The following SLC27A2 variants were observed in gnomAD, a reference collection of about 807,000 sequenced individuals.
The protein encoded by SLC27A2 is solute carrier family 27 member 2.
In SLC27A2, 54 loss-of-function variants were observed where a neutral mutation model predicts 60.0. The ratio of observed to expected loss-of-function variants is 0.90; its 90% CI spans 0.72 to 1.13. SLC27A2 has a LOEUF of 1.13. Ranked by LOEUF, SLC27A2 falls within the 50% of genes most tolerant of loss-of-function variation. The probability of loss-of-function intolerance (pLI) is 0.00; values close to 1 mark genes in which losing one functional copy is unlikely to be tolerated. For missense variants in SLC27A2, 739 were observed against 777.6 expected (o/e 0.95, Z 0.59); for synonymous variants, 297 against 297.6 (o/e 1.00, Z 0.02).
Position 50,235,911 on chromosome 15 carries a change from G to A in SLC27A2, c.1687-9G>A. 2.5e-6 allele frequency: 4 copies of A among 1,600,726 alleles called. No individual in the cohort carries two copies. Among genetic ancestry groups the A allele is most frequent in the Non-Finnish European group, 3.4e-6 (4 of 1,170,532 alleles). On this transcript the variant is annotated splice_polypyrimidine_tract_variant and intron_variant, in intron 9 of 9. Transcript: ENST00000267842. ...GCAACCAAAATGTGGATTATTTGAT[G>A]TTTTTCAGGACACCATTGAGATCAC...
intron 4 of SLC27A2, among the ~76,000 whole-genome samples, chr15:50,218,805 G>C (rs571523881): frequency 6.6e-6 from 1 of 152,056 alleles, no homozygotes; most frequent in South Asian, 2.1e-4. Context: ...GAAAACACAG[G>C]ATCAAGGAAA....
intron 8 of SLC27A2, among the ~76,000 whole-genome samples, chr15:50,229,997 A>G (rs1001574496): frequency 1.3e-5 from 2 of 152,160 alleles, no homozygotes; most frequent in African/African-American, 4.8e-5. Flanking sequence ...GCACTTTGGG[A>G]GGCCGAGACG....
At chr15:50,207,815 G>A (rs1207926431) in intron 4 of SLC27A2, among the ~76,000 whole-genome samples, 3 of 149,204 alleles carry the variant, frequency 2.0e-5, no homozygotes, top group East Asian at 3.9e-4. Context: ...AGGAAAGAAA[G>A]AAAGAAAACA....
At chr15:50,210,800 C>T (rs564895399) in intron 4 of SLC27A2, among the ~76,000 whole-genome samples, 12 of 152,304 alleles carry the variant, frequency 7.9e-5, no homozygotes, top group Non-Finnish European at 1.8e-4. Flanking sequence ...TGAGGGGGCA[C>T]GGTGGGAGTG....
intron 4 of SLC27A2, among the ~76,000 whole-genome samples, chr15:50,216,769 A>G (rs1215655822): frequency 6.9e-6 from 1 of 145,414 alleles, no homozygotes; most frequent in East Asian, 1.9e-4. Flanking sequence ...TATATATTCC[A>G]TAAAAATATA....
Position 50,182,558 on chromosome 15 carries a change from G to A in SLC27A2, c.131G>A (p.Arg44His). ...GTGGCCGCCGTGGGCCGGAGGGTGC[G>A]CAGCTACGGGAAGCGGCGGCCGGCG... is the stretch of plus-strand genomic sequence containing the variant. ...LKVAAVGRRV[R>H]SYGKRRPART... The change falls in exon 1 of 10, where the codon CGC (arginine) becomes CAC (histidine). Residue 44 changes from arginine to histidine, a missense_variant. Physicochemically the swap from Arg to His is conservative, Grantham distance 29 (BLOSUM62 0). Transcript: ENST00000267842. 1.9e-6 allele frequency: 3 copies of A among 1,612,886 alleles called. No individual in the cohort carries two copies. Among genetic ancestry groups the A allele is most frequent in the Non-Finnish European group, 2.5e-6 (3 of 1,179,424 alleles).
chr15:50,215,519 CA>C (rs1347806659), intron 4 of SLC27A2, among the ~76,000 whole-genome samples: 1 of 152,040 alleles, frequency 6.6e-6, no homozygotes, highest in African/African-American at 2.4e-5. Context: ...CAAGACTAAG[CA>C]AAAAGAACAA....
intron 1 of SLC27A2, among the ~76,000 whole-genome samples, chr15:50,184,449 G>T (rs1223844642): frequency 6.6e-6 from 1 of 152,136 alleles, no homozygotes. Context: ...TAATTCACTT[G>T]TGAGAAACCA....
Position 50,229,047 on chromosome 15 carries a change from A to G in SLC27A2, c.1555+5A>G, listed in dbSNP as rs145170137. ...TTTATGGAGTGCATGTGCCAGGTAT[A>G]TACAAGATATGATCTGTACCTAACC... On this transcript the variant is annotated splice_donor_5th_base_variant and intron_variant, in intron 8 of 9. Transcript: ENST00000267842. 311 of 1,575,808 alleles carry G rather than the reference A, an allele frequency of 2.0e-4. 1 individual carries two copies. In the East Asian group the frequency reaches 6.5e-3, roughly 33 times the overall value.
chr15:50,208,945 A>G (rs1205158636), intron 4 of SLC27A2, among the ~76,000 whole-genome samples: 2 of 152,172 alleles, frequency 1.3e-5, no homozygotes, highest in Admixed American at 6.5e-5. Context: ...TTATTGGAGC[A>G]TGATATTGCT....
At chr15:50,216,942 T>A (rs2045202398) in intron 4 of SLC27A2, among the ~76,000 whole-genome samples, 1 of 139,760 alleles carries the variant, frequency 7.2e-6, no homozygotes, top group African/African-American at 2.8e-5. Context: ...TAACAGCATT[T>A]GCAGTGACCT....
At chr15:50,201,578 T>C (rs893794008) in intron 2 of SLC27A2, among the ~76,000 whole-genome samples, 14 of 151,248 alleles carry the variant, frequency 9.3e-5, no homozygotes, top group Non-Finnish European at 1.3e-4. Context: ...TTTTTTGAGA[T>C]GGAGTCTTGC....
At chr15:50,210,055 AAGG>A (rs1468212455) in intron 4 of SLC27A2, among the ~76,000 whole-genome samples, 1 of 152,182 alleles carries the variant, frequency 6.6e-6, no homozygotes, top group Non-Finnish European at 1.5e-5. Context: ...AATACAGCTG[AAGG>A]TGGGATGAAG....
In SLC27A2 at chr15:50,226,042, C is replaced by T. The variant is rs752117544; in HGVS notation, c.1222C>T (p.Arg408Cys). 8 of 1,611,274 alleles carry T rather than the reference C, an allele frequency of 5.0e-6. No homozygotes were observed. Among genetic ancestry groups the T allele is most frequent in the Middle Eastern group, 1.6e-4 (1 of 6,076 alleles). Residue 408 changes from arginine to cysteine, a missense_variant, in exon 6 of 10, where the codon CGT becomes TGT. Physicochemically the swap from Arg to Cys is radical, Grantham distance 180. Transcript: ENST00000267842. Reference protein sequence around the residue: ...KYDVEKDEPVRDENGYCVRVP... With the variant: ...KYDVEKDEPVCDENGYCVRVP... ...TGATGTGGAGAAAGATGAACCTGTC[C>T]GTGATGAAAATGGATATTGCGTCAG...
intron 4 of SLC27A2, among the ~76,000 whole-genome samples, chr15:50,206,558 C>A (rs991389614): frequency 1.1e-4 from 17 of 151,170 alleles, no homozygotes; most frequent in Non-Finnish European, 1.3e-4. Flanking sequence ...AGAAGACAGG[C>A]CTCTTCTGCT....
At chr15:50,202,457 A>G (rs1484603646) in intron 2 of SLC27A2, 30 bp from the exon 3 acceptor site, 7 of 1,612,518 alleles carry the variant, frequency 4.3e-6, no homozygotes, top group Non-Finnish European at 5.1e-6. Flanking sequence ...ATCTTGGTTA[A>G]CTCATGCCTT....
intron 2 of SLC27A2, among the ~76,000 whole-genome samples, chr15:50,199,342 C>T (rs1253666230): frequency 2.0e-5 from 3 of 151,770 alleles, no homozygotes; most frequent in Non-Finnish European, 1.5e-5. Flanking sequence ...GGTGTGGTAG[C>T]GGGCACCTGT....
At chr15:50,196,942 TTC>T (rs1235363359) in intron 1 of SLC27A2, among the ~76,000 whole-genome samples, 1 of 152,216 alleles carries the variant, frequency 6.6e-6, no homozygotes, top group East Asian at 1.9e-4. Context: ...CCTTAAAATT[TTC>T]TCTTTTTTTC....
intron 1 of SLC27A2, among the ~76,000 whole-genome samples, chr15:50,186,457 G>A (rs537082145): frequency 6.8e-6 from 1 of 147,650 alleles, no homozygotes; most frequent in Admixed American, 6.7e-5. Flanking sequence ...GTTTGTTTTT[G>A]AGACAGTCTC....
Sources: gnomAD v4.1 joint callset for allele counts (sites outside exome capture counted in the v4.1 genomes callset) on GRCh38, gnomAD v4.1.1 for gene constraint, MANE v1.5 for transcripts, NCBI Gene and HGNC (gene_info 2026-07-23, HGNC 2026-07-21) for gene names.